The following C8orf34 variants were observed in gnomAD, a reference collection of about 807,000 sequenced individuals.
C8orf34 encodes uncharacterized protein C8orf34.
C8orf34 carries 65 observed loss-of-function variants against 68.3 expected under a neutral mutation model. The ratio of observed to expected loss-of-function variants is 0.95; its 90% CI spans 0.78 to 1.17. The LOEUF is 1.17. Ranked by LOEUF, C8orf34 falls within the 50% of genes most tolerant of loss-of-function variation. The pLI is 0.00. For missense variants in C8orf34, 664 were observed against 655.4 expected (o/e 1.01, Z -0.14); for synonymous variants, 244 against 241.2 (o/e 1.01, Z -0.11).
chr8:68,507,272 A>G (rs1314505952), intron 5 of C8orf34, among the ~76,000 whole-genome samples: 2 of 152,186 alleles, frequency 1.3e-5, no homozygotes, highest in Non-Finnish European at 2.9e-5. Context: ...TTTTATCTTA[A>G]ATCCAGTAAA....
chr8:68,368,565 T>G (rs541766247), intron 1 of C8orf34, among the ~76,000 whole-genome samples: 15 of 152,306 alleles, frequency 9.8e-5, no homozygotes, highest in Middle Eastern at 3.4e-3. Context: ...GTCCTGATTT[T>G]AAGAAGAATG....
rs138212073 is a variant in C8orf34 at position 68,458,084 on chromosome 8, C to A, written c.608-10608C>A. Reference sequence around the variant, plus strand: ...ATTATACCATGGCTTTGATTGTCCTCGTTTGATTCCCATGATAAGTTAGGC... The same window carrying A: ...ATTATACCATGGCTTTGATTGTCCTAGTTTGATTCCCATGATAAGTTAGGC... On this transcript the variant is annotated intron_variant, in intron 3 of 13. Transcript: ENST00000518698. 2.2e-3 allele frequency among the ~76,000 whole-genome samples: 332 copies of A among 152,176 alleles called. 1 individual carries two copies. The highest frequency in any genetic ancestry group is 7.2e-3 in the African/African-American group (299 of 41,508).
chr8:68,692,754 T>A (rs1412935773), intron 8 of C8orf34, among the ~76,000 whole-genome samples: 2 of 152,096 alleles, frequency 1.3e-5, no homozygotes, highest in Non-Finnish European at 2.9e-5. Context: ...TCTTTGTGTA[T>A]CTGTCTTGCT....
chr8:68,777,244 G>A (rs1823546028), intron 11 of C8orf34, among the ~76,000 whole-genome samples: 1 of 152,226 alleles, frequency 6.6e-6, no homozygotes, highest in East Asian at 1.9e-4. Context: ...CCACAAGAGG[G>A]ATAGCTGATG....
chr8:68,496,445 C>A (rs1813526505), intron 5 of C8orf34, among the ~76,000 whole-genome samples: 1 of 152,080 alleles, frequency 6.6e-6, no homozygotes, highest in South Asian at 2.1e-4. Flanking sequence ...ATAAATTTAC[C>A]TTCAAAACTC....
At chr8:68,768,034 A>G (rs2953969) in intron 10 of C8orf34, among the ~76,000 whole-genome samples, 2,994 of 152,244 alleles carry the variant, frequency 0.02, 49 homozygotes, top group Non-Finnish European at 0.03. Flanking sequence ...CTTTTTATTT[A>G]TGAGTGTTCA....
rs527735020 is a variant in C8orf34, at chr8:68,590,721, A to C, written c.1106-49655A>C. 4.6e-5 allele frequency among the ~76,000 whole-genome samples: 7 copies of C among 152,306 alleles called. No homozygotes were observed. In the South Asian group the frequency reaches 1.4e-3, roughly 32 times the overall value. Reference sequence around the variant, plus strand: ...CAGTATGAAGCTTGAGGCCTCTAGGAGACGCACAGCGTTTAGCTCAGAGCT... The same window carrying C: ...CAGTATGAAGCTTGAGGCCTCTAGGCGACGCACAGCGTTTAGCTCAGAGCT... On this transcript the variant is annotated intron_variant, in intron 7 of 13. Transcript: ENST00000518698.
chr8:68,779,760 A>T (rs1385269056), intron 11 of C8orf34, among the ~76,000 whole-genome samples: 1 of 152,206 alleles, frequency 6.6e-6, no homozygotes, highest in East Asian at 1.9e-4. Context: ...TTTACGTTTT[A>T]TCATTCACGA....
chr8:68,475,925 A>C (rs1227465851), intron 4 of C8orf34, among the ~76,000 whole-genome samples: 1 of 152,204 alleles, frequency 6.6e-6, no homozygotes, highest in East Asian at 1.9e-4. Flanking sequence ...TTCCAAGGAA[A>C]AGAGAGCCCA....
intron 1 of C8orf34, among the ~76,000 whole-genome samples, chr8:68,342,784 C>CT (rs1201723321): frequency 1.3e-5 from 2 of 152,022 alleles, no homozygotes; most frequent in Non-Finnish European, 2.9e-5. Flanking sequence ...TTCAGGTACC[C>CT]CTTATTTGAC....
intron 1 of C8orf34, 82 bp downstream of exon 1, chr8:68,331,421 C>T: frequency 6.4e-6 from 9 of 1,408,576 alleles, no homozygotes; most frequent in Non-Finnish European, 8.7e-6. Flanking sequence ...CCCAATCCCA[C>T]CCCTCCCAGG....
intron 1 of C8orf34, among the ~76,000 whole-genome samples, chr8:68,380,547 A>G (rs566622490): frequency 6.6e-6 from 1 of 152,372 alleles, no homozygotes; most frequent in East Asian, 1.9e-4. Flanking sequence ...ATGGCTGTCA[A>G]GCCAGCAAAA....
At chr8:68,664,442 A>G (rs1819776585) in intron 8 of C8orf34, among the ~76,000 whole-genome samples, 1 of 152,202 alleles carries the variant, frequency 6.6e-6, no homozygotes, top group Admixed American at 6.5e-5. Context: ...ATACAAATTT[A>G]GTAAAAACCA....
chr8:68,399,431 A>T (rs1387784646), intron 1 of C8orf34, among the ~76,000 whole-genome samples: 1 of 152,090 alleles, frequency 6.6e-6, no homozygotes, highest in Non-Finnish European at 1.5e-5. Flanking sequence ...TCTGTTTCTG[A>T]GTTGTTTCAC....
chr8:68,415,799 G>C (rs1809640192), intron 1 of C8orf34, among the ~76,000 whole-genome samples: 1 of 152,206 alleles, frequency 6.6e-6, no homozygotes, highest in Admixed American at 6.5e-5. Context: ...AGCAAATGCT[G>C]TCTACAGCCA....
intron 3 of C8orf34, among the ~76,000 whole-genome samples, chr8:68,452,980 T>G (rs1204996066): frequency 6.6e-6 from 1 of 151,930 alleles, no homozygotes; most frequent in Non-Finnish European, 1.5e-5. Flanking sequence ...TTTTTTGCCA[T>G]GTGGATAATC....
intron 8 of C8orf34, among the ~76,000 whole-genome samples, chr8:68,684,305 C>T (rs764046368): frequency 2.6e-5 from 4 of 152,134 alleles, no homozygotes; most frequent in African/African-American, 7.2e-5. Flanking sequence ...AGGAAGAAAA[C>T]GAGACAGGAC....
chr8:68,464,927 A>T (rs1374428175), intron 3 of C8orf34, among the ~76,000 whole-genome samples: 1 of 152,050 alleles, frequency 6.6e-6, no homozygotes, highest in Admixed American at 6.5e-5. Flanking sequence ...AAGCAATGGC[A>T]ACAAAAGCCA....
intron 11 of C8orf34, among the ~76,000 whole-genome samples, chr8:68,777,971 T>A (rs1299671570): frequency 6.6e-6 from 1 of 152,214 alleles, no homozygotes; most frequent in Non-Finnish European, 1.5e-5. Context: ...TACTCAGTAC[T>A]TTCATTTATT....
Sources: allele counts gnomAD v4.1 joint callset (sites outside exome capture counted in the v4.1 genomes callset), GRCh38; gene constraint gnomAD v4.1.1; transcripts MANE v1.5; gene names NCBI Gene and HGNC (gene_info 2026-07-23, HGNC 2026-07-21).